Variants in GFPT1 observed in about 807,000 individuals in gnomAD.
GFPT1 encodes glutamine--fructose-6-phosphate aminotransferase [isomerizing] 1.
In GFPT1, 40 loss-of-function variants were observed where a neutral mutation model predicts 92.0. The observed-to-expected ratio is 0.43, with a 90% confidence interval of 0.34 to 0.57. GFPT1 has a LOEUF of 0.57. GFPT1 is among the 20% of genes least tolerant of loss of function. The probability of loss-of-function intolerance (pLI) is 0.02; values close to 1 mark genes in which losing one functional copy is unlikely to be tolerated. For missense variants in GFPT1, 448 were observed against 869.1 expected (o/e 0.52, Z 6.09); for synonymous variants, 269 against 280.6 (o/e 0.96, Z 0.41).
intron 1 of GFPT1, among the ~76,000 whole-genome samples, chr2:69,382,257 G>A (rs1672030385): frequency 6.6e-6 from 1 of 151,948 alleles, no homozygotes; most frequent in Non-Finnish European, 1.5e-5. Flanking sequence ...CACAACAATG[G>A]GTTAAATTTT....
intron 16 of GFPT1, 113 bp from the exon 17 acceptor site, chr2:69,329,537 T>TA: frequency 1.0e-6 from 1 of 968,142 alleles, no homozygotes. Context: ...TATCAATCAG[T>TA]ATGGGTATTT....
chr2:69,376,693 AAAACTCACTCCT>A (rs547125908), intron 1 of GFPT1, among the ~76,000 whole-genome samples: 13 of 152,200 alleles, frequency 8.5e-5, no homozygotes, highest in Non-Finnish European at 1.9e-4. Context: ...CACATCCAGA[AAAACTCACTCCT>A]AAACTCTCTC....
intron 13 of GFPT1, among the ~76,000 whole-genome samples, chr2:69,339,190 C>T (rs1670875596): frequency 1.3e-5 from 2 of 152,134 alleles, no homozygotes; most frequent in African/African-American, 4.8e-5. Flanking sequence ...CTCCCAATTC[C>T]TAATCTTTAA....
At chr2:69,384,616 C>T (rs996477099) in intron 1 of GFPT1, among the ~76,000 whole-genome samples, 2 of 147,956 alleles carry the variant, frequency 1.4e-5, no homozygotes, top group African/African-American at 5.0e-5. Context: ...GGAGGTTGAA[C>T]CCCGGAGACA....
intron 15 of GFPT1, among the ~76,000 whole-genome samples, chr2:69,337,163 C>T (rs569382227): frequency 0.011 from 1,583 of 149,346 alleles, 28 homozygotes; most frequent in African/African-American, 0.037. Context: ...CTCCCAGGTT[C>T]AAGTGATTCT....
At chr2:69,371,933 G>A (rs889394004) in intron 2 of GFPT1, among the ~76,000 whole-genome samples, 10 of 151,502 alleles carry the variant, frequency 6.6e-5, no homozygotes, top group East Asian at 3.9e-4. Context: ...CAGGCACGGC[G>A]GCTCACGCCT....
In GFPT1 at chr2:69,359,238, A is replaced by G. The variant is rs67760762; in HGVS notation, c.408+30T>C. 0.38 allele frequency: 461,078 copies of G among 1,216,722 alleles called. 93,521 individuals are homozygous for G. The highest frequency in any genetic ancestry group is 0.41 in the Non-Finnish European group (336,683 of 817,750). 75.4% of individuals were successfully genotyped at this position (1,216,722 alleles called of 1,614,324 possible). A position where few individuals can be genotyped will look rare whatever the true frequency, so the allele number is the denominator to read the frequency against. On this transcript the variant is annotated intron_variant, in intron 5 of 19. Transcript: ENST00000357308. ...GCTCTCGTTAGAAGTATTCTCAAAG[A>G]CTGGGGTCTTTTGAGGTCACCTTAC...
At chr2:69,369,760 A>G (rs1018230396) in intron 3 of GFPT1, among the ~76,000 whole-genome samples, 5 of 152,242 alleles carry the variant, frequency 3.3e-5, no homozygotes, top group African/African-American at 1.2e-4. Flanking sequence ...GCTTACACTG[A>G]AGGTAATATA....
Position 69,387,072 on chromosome 2 carries a change from G to T in GFPT1, c.-1C>A. ...CGCTCCCGGCCCCCTTACCACACAT[G>T]ATGCCGGAGACACGGCCCGCGAGGC... On this transcript the variant is annotated 5_prime_UTR_variant, in exon 1 of 20. Transcript: ENST00000357308. 6.5e-7 allele frequency: 1 copy of T among 1,537,740 alleles called. No homozygotes were observed. The highest frequency in any genetic ancestry group is 1.4e-5 in the African/African-American group (1 of 72,120).
intron 1 of GFPT1, among the ~76,000 whole-genome samples, chr2:69,380,531 CA>C (rs1482393160): frequency 1.3e-5 from 2 of 152,114 alleles, no homozygotes; most frequent in Non-Finnish European, 2.9e-5. Context: ...TTCTGGAGCT[CA>C]AATCACTAGT....
chr2:69,323,893 C>T lies in GFPT1; in HGVS notation c.*2296G>A. 6.6e-6 allele frequency: 1 copy of T among 152,322 alleles called. No individual in the cohort carries two copies. The highest frequency in any genetic ancestry group is 1.5e-5 in the Non-Finnish European group (1 of 68,174). 9.4% of individuals were successfully genotyped at this position (152,322 alleles called of 1,614,324 possible). A position where few individuals can be genotyped will look rare whatever the true frequency, so the allele number is the denominator to read the frequency against. Reference sequence around the variant, plus strand: ...GTTTCACCATGTTGGCCAGGATGGTCTCGATCTCTTGACCTCATGATCAAC... The same window carrying T: ...GTTTCACCATGTTGGCCAGGATGGTTTCGATCTCTTGACCTCATGATCAAC... On this transcript the variant is annotated 3_prime_UTR_variant, in exon 20 of 20. Transcript: ENST00000357308.
At chr2:69,349,916 A>T (rs1671166730) in intron 10 of GFPT1, among the ~76,000 whole-genome samples, 162 bp downstream of exon 10, 1 of 152,236 alleles carries the variant, frequency 6.6e-6, no homozygotes. Context: ...TGACAGAAAA[A>T]GTGTCCTTAC....
chr2:69,374,565 G>A (rs184120337), intron 1 of GFPT1, among the ~76,000 whole-genome samples: 317 of 152,084 alleles, frequency 2.1e-3, no homozygotes, highest in Admixed American at 4.5e-3. Flanking sequence ...TGCCCGCCTC[G>A]GCCTCCCAAA....
At chr2:69,341,121 G>A (rs1205478480) in intron 13 of GFPT1, among the ~76,000 whole-genome samples, 3 of 151,370 alleles carry the variant, frequency 2.0e-5, no homozygotes, top group East Asian at 1.9e-4. Flanking sequence ...ACCACACCCC[G>A]ATAATTTTTT....
chr2:69,367,998 T>C (rs918251634), intron 3 of GFPT1, among the ~76,000 whole-genome samples: 4 of 152,194 alleles, frequency 2.6e-5, no homozygotes, highest in Non-Finnish European at 4.4e-5. Context: ...CCTGTAATTC[T>C]AGCACTTTGG....
At chr2:69,354,462 G>A in intron 8 of GFPT1, 27 bp downstream of exon 8, 1 of 1,374,090 alleles carries the variant, frequency 7.3e-7, no homozygotes, top group Non-Finnish European at 1.0e-6. Flanking sequence ...CATATCTACT[G>A]CACTGCATTT....
chr2:69,338,948 C>T (rs527923031), intron 13 of GFPT1, among the ~76,000 whole-genome samples: 3 of 152,114 alleles, frequency 2.0e-5, no homozygotes, highest in South Asian at 4.2e-4. Flanking sequence ...TATAGGCGTG[C>T]GCCACCATGC....
intron 1 of GFPT1, among the ~76,000 whole-genome samples, chr2:69,376,988 C>A (rs1291446913): frequency 6.6e-6 from 1 of 151,916 alleles, no homozygotes; most frequent in Non-Finnish European, 1.5e-5. Context: ...GCGAGTGGAT[C>A]ACATGAGGTA....
chr2:69,326,487 T>C (rs1182766651), intron 19 of GFPT1, among the ~76,000 whole-genome samples: 1 of 152,194 alleles, frequency 6.6e-6, no homozygotes, highest in Non-Finnish European at 1.5e-5. Context: ...TGTGGTCCTC[T>C]ACAGAAGTAG....
Sources: allele counts gnomAD v4.1 joint callset (sites outside exome capture counted in the v4.1 genomes callset), GRCh38; gene constraint gnomAD v4.1.1; transcripts MANE v1.5; gene names NCBI Gene and HGNC (gene_info 2026-07-23, HGNC 2026-07-21).